The following GRIK4 variants were observed in gnomAD, a reference collection of about 807,000 sequenced individuals.
GRIK4 encodes glutamate ionotropic receptor kainate type subunit 4.
In GRIK4, 40 loss-of-function variants were observed where a neutral mutation model predicts 104.9. The observed-to-expected ratio is 0.38, with a 90% CI of 0.30 to 0.50. The LOEUF (loss-of-function observed/expected upper bound fraction) is 0.50. Ranked by LOEUF, GRIK4 falls within the 20% of genes least tolerant of loss-of-function variation. The pLI is 0.93. For synonymous variants in GRIK4, 485 were observed against 524.9 expected (o/e 0.92, Z 1.04); for missense variants, 1,047 against 1,308.1 (o/e 0.80, Z 3.08).
At chr11:120,888,994 T>C (rs548787094) in intron 11 of GRIK4, among the ~76,000 whole-genome samples, 2 of 152,326 alleles carry the variant, frequency 1.3e-5, no homozygotes, top group South Asian at 4.1e-4. Flanking sequence ...GCATTTACCA[T>C]TGCTTTCTTT....
At chr11:120,938,361 A>G (rs144553193) in intron 13 of GRIK4, among the ~76,000 whole-genome samples, 1,876 of 152,260 alleles carry the variant, frequency 0.012, 14 homozygotes, top group Non-Finnish European at 0.021. Context: ...GATCATTCAC[A>G]TTTTCTATTT....
At chr11:120,628,652 G>A (rs7932311) in intron 1 of GRIK4, among the ~76,000 whole-genome samples, 4,612 of 152,000 alleles carry the variant, frequency 0.03, 172 homozygotes, top group African/African-American at 0.094. Context: ...ACTGATGGGT[G>A]GAGGAGGAGA....
intron 13 of GRIK4, chr11:120,936,229 A>G (rs964207035): frequency 4.6e-6 from 2 of 434,796 alleles, no homozygotes; most frequent in Admixed American, 5.3e-5. Flanking sequence ...CCCTCTTTTC[A>G]TATGGCCGCT....
At chr11:120,741,931 A>G (rs1396305175) in intron 3 of GRIK4, among the ~76,000 whole-genome samples, 1 of 152,214 alleles carries the variant, frequency 6.6e-6, no homozygotes, top group Admixed American at 6.5e-5. Context: ...TGAATATGCA[A>G]TGGCTCTAGG....
At chr11:120,606,919 G>A (rs1948970299) in intron 1 of GRIK4, among the ~76,000 whole-genome samples, 1 of 152,216 alleles carries the variant, frequency 6.6e-6, no homozygotes, top group South Asian at 2.1e-4. Flanking sequence ...ATTCTGTATG[G>A]CTGGGGATGG....
chr11:120,572,341 C>T (rs1242556662), intron 1 of GRIK4, among the ~76,000 whole-genome samples: 1 of 152,234 alleles, frequency 6.6e-6, no homozygotes, highest in East Asian at 1.9e-4. Flanking sequence ...CCCACTACAA[C>T]ATGCCTGGTA....
At chr11:120,623,256 G>T (rs149630710) in intron 1 of GRIK4, among the ~76,000 whole-genome samples, 12 of 151,936 alleles carry the variant, frequency 7.9e-5, no homozygotes, top group Middle Eastern at 3.4e-3. Context: ...GATCCTCCCC[G>T]CTCAGCCTCC....
At chr11:120,512,191 C>T (rs1947669286) in intron 1 of GRIK4, among the ~76,000 whole-genome samples, 1 of 151,944 alleles carries the variant, frequency 6.6e-6, no homozygotes, top group Admixed American at 6.5e-5. Context: ...CGTCTCCCTC[C>T]CTCCGCATCC....
intron 12 of GRIK4, among the ~76,000 whole-genome samples, chr11:120,901,850 C>T (rs1053883482): frequency 1.3e-5 from 2 of 152,170 alleles, no homozygotes; most frequent in African/African-American, 2.4e-5. Flanking sequence ...CATGTGTGCA[C>T]GTGTGCTTAT....
intron 1 of GRIK4, among the ~76,000 whole-genome samples, chr11:120,540,121 G>A (rs1260124747): frequency 1.3e-5 from 2 of 152,128 alleles, no homozygotes; most frequent in Non-Finnish European, 2.9e-5. Flanking sequence ...AGGTCTCTAG[G>A]GAGACACCAT....
chr11:120,629,214 A>C (rs1591752879), intron 1 of GRIK4, among the ~76,000 whole-genome samples: 2 of 152,306 alleles, frequency 1.3e-5, no homozygotes, highest in South Asian at 4.1e-4. Context: ...GGTATAGGGC[A>C]GTGGTTGATG....
intron 1 of GRIK4, among the ~76,000 whole-genome samples, chr11:120,639,524 G>A (rs1330356621): frequency 6.6e-6 from 1 of 152,158 alleles, no homozygotes; most frequent in African/African-American, 2.4e-5. Context: ...TCCTCTTGGG[G>A]TCGGCCCCTG....
chr11:120,971,109 C>T (rs1944467806), intron 19 of GRIK4, among the ~76,000 whole-genome samples: 2 of 152,140 alleles, frequency 1.3e-5, no homozygotes, highest in South Asian at 4.2e-4. Context: ...TAGGCCTGAA[C>T]GAGCAATTAA....
chr11:120,910,364 TG>T (rs1468088457), intron 13 of GRIK4, among the ~76,000 whole-genome samples: 1 of 152,166 alleles, frequency 6.6e-6, no homozygotes, highest in African/African-American at 2.4e-5. Context: ...AGGGGAAGTG[TG>T]GTTGGAGTGA....
At chr11:120,520,395 A>G (rs1026225305) in intron 1 of GRIK4, among the ~76,000 whole-genome samples, 1 of 152,220 alleles carries the variant, frequency 6.6e-6, no homozygotes, top group Non-Finnish European at 1.5e-5. Context: ...TGAGAGGGTC[A>G]CTGGCAGTAT....
chr11:120,980,111 C>T (rs1944627036), intron 19 of GRIK4, among the ~76,000 whole-genome samples: 1 of 152,198 alleles, frequency 6.6e-6, no homozygotes, highest in Non-Finnish European at 1.5e-5. Context: ...GCTAGGATTA[C>T]AGGCATGCAC....
intron 1 of GRIK4, among the ~76,000 whole-genome samples, chr11:120,643,103 A>G (rs1257327346): frequency 2.6e-5 from 4 of 152,226 alleles, no homozygotes; most frequent in African/African-American, 9.6e-5. Flanking sequence ...CATAAAGAAC[A>G]AAGCAAACAA....
intron 16 of GRIK4, among the ~76,000 whole-genome samples, chr11:120,960,442 G>A (rs754748132): frequency 2.0e-5 from 3 of 152,192 alleles, no homozygotes; most frequent in African/African-American, 7.2e-5. Flanking sequence ...TGAGCTCTAG[G>A]GATTAAGTGA....
At chr11:120,605,232 G>A (rs1474993716) in intron 1 of GRIK4, among the ~76,000 whole-genome samples, 2 of 152,138 alleles carry the variant, frequency 1.3e-5, no homozygotes, top group African/African-American at 2.4e-5. Flanking sequence ...TGTCAGTGAT[G>A]GCTGTTAAAT....
Sources: allele counts gnomAD v4.1 joint callset (sites outside exome capture counted in the v4.1 genomes callset), GRCh38; gene constraint gnomAD v4.1.1; transcripts MANE v1.5; gene names NCBI Gene and HGNC (gene_info 2026-07-23, HGNC 2026-07-21).